The following BACH2 variants were observed in gnomAD, a reference collection of about 807,000 sequenced individuals.
BACH2 encodes the protein transcription regulator protein BACH2.
In BACH2, 5 loss-of-function variants were observed where a neutral mutation model predicts 61.8. The observed-to-expected ratio is 0.08, with a 90% CI of 0.04 to 0.17. The LOEUF is 0.17. Among genes scored for constraint, BACH2 ranks in the 10% least tolerant of loss-of-function variants. The pLI is 1.00. For missense variants in BACH2, 824 were observed against 1,091.1 expected, an observed-to-expected ratio of 0.76 and a Z score of 3.45; for synonymous variants, 446 against 440.1, an observed-to-expected ratio of 1.01 and a Z score of -0.17.
intron 8 of BACH2, among the ~76,000 whole-genome samples, chr6:89,935,660 T>G (rs2128353202): frequency 1.3e-5 from 2 of 152,336 alleles, no homozygotes; most frequent in East Asian, 3.9e-4. Context: ...TAATTTGGTT[T>G]TTTGGTTGAA....
intron 5 of BACH2, among the ~76,000 whole-genome samples, chr6:90,085,519 G>C (rs1781898102): frequency 6.6e-6 from 1 of 152,210 alleles, no homozygotes; most frequent in South Asian, 2.1e-4. Flanking sequence ...AGGTCTTCTA[G>C]ATGTGTAAAT....
chr6:90,036,692 G>A (rs1779280048), intron 5 of BACH2, among the ~76,000 whole-genome samples: 1 of 151,890 alleles, frequency 6.6e-6, no homozygotes, highest in Admixed American at 6.6e-5. Flanking sequence ...ACTTGCTAGA[G>A]TTTAAGATTA....
At chr6:90,032,288 A>T (rs1779030628) in intron 5 of BACH2, among the ~76,000 whole-genome samples, 1 of 149,640 alleles carries the variant, frequency 6.7e-6, no homozygotes, top group African/African-American at 2.5e-5. Flanking sequence ...TTCAGGACAT[A>T]GGCATGGGCA....
chr6:90,026,821 G>T (rs1778659229), intron 5 of BACH2, among the ~76,000 whole-genome samples: 1 of 152,100 alleles, frequency 6.6e-6, no homozygotes, highest in Non-Finnish European at 1.5e-5. Flanking sequence ...TTCATGCATG[G>T]GGGTCTTTTG....
intron 4 of BACH2, among the ~76,000 whole-genome samples, chr6:90,097,380 A>G (rs1782423939): frequency 6.6e-6 from 1 of 152,200 alleles, no homozygotes; most frequent in African/African-American, 2.4e-5. Flanking sequence ...CCAACATGTG[A>G]GTAATGGACC....
intron 4 of BACH2, among the ~76,000 whole-genome samples, chr6:90,127,906 G>A (rs1025504177): frequency 3.9e-5 from 6 of 152,300 alleles, no homozygotes; most frequent in Non-Finnish European, 8.8e-5. Flanking sequence ...TAAAAACTAC[G>A]CAGTGCAAGG....
At chr6:90,292,745 T>G (rs980734177) in intron 1 of BACH2, among the ~76,000 whole-genome samples, 3 of 152,242 alleles carry the variant, frequency 2.0e-5, no homozygotes, top group Non-Finnish European at 4.4e-5. Context: ...GTCTGTTCAG[T>G]AGTGGGAGAC....
At chr6:89,935,062 T>G (rs985519664) in intron 8 of BACH2, among the ~76,000 whole-genome samples, 3 of 152,176 alleles carry the variant, frequency 2.0e-5, no homozygotes, top group Admixed American at 6.5e-5. Context: ...AAATACATTA[T>G]GCGAGTTTGC....
intron 5 of BACH2, among the ~76,000 whole-genome samples, chr6:90,048,413 A>G (rs1779887756): frequency 6.6e-6 from 1 of 152,188 alleles, no homozygotes; most frequent in South Asian, 2.1e-4. Context: ...TCATGCTGCC[A>G]TGGCATGTCA....
intron 6 of BACH2, among the ~76,000 whole-genome samples, chr6:89,995,419 G>A (rs1776791116): frequency 6.6e-6 from 1 of 152,184 alleles, no homozygotes; most frequent in Admixed American, 6.5e-5. Context: ...ATGGCTGTCA[G>A]CGAAGGGTAT....
chr6:90,015,953 G>A (rs1209894122), intron 5 of BACH2, among the ~76,000 whole-genome samples: 1 of 152,122 alleles, frequency 6.6e-6, no homozygotes, highest in Non-Finnish European at 1.5e-5. Context: ...CCTATTAGAT[G>A]CATATATATT....
intron 5 of BACH2, among the ~76,000 whole-genome samples, chr6:90,015,585 C>A (rs1562371326): frequency 6.6e-6 from 1 of 152,068 alleles, no homozygotes; most frequent in Admixed American, 6.5e-5. Flanking sequence ...TTTTAGTTAT[C>A]TTTTTGTTAA....
intron 6 of BACH2, among the ~76,000 whole-genome samples, chr6:89,959,814 C>T (rs141230486): frequency 2.3e-3 from 348 of 152,320 alleles, no homozygotes; most frequent in African/African-American, 8.1e-3. Context: ...CTTGCTGAGG[C>T]TGGGAGTTCA....
intron 1 of BACH2, among the ~76,000 whole-genome samples, chr6:90,282,201 T>C (rs1383404361): frequency 6.6e-6 from 1 of 152,200 alleles, no homozygotes; most frequent in Non-Finnish European, 1.5e-5. Flanking sequence ...CATGTACTGG[T>C]TTGTTACACA....
intron 5 of BACH2, among the ~76,000 whole-genome samples, chr6:90,030,964 T>C (rs1290380177): frequency 8.4e-6 from 1 of 119,664 alleles, no homozygotes; most frequent in African/African-American, 4.1e-5. Flanking sequence ...AAGAAAATAC[T>C]GGCAAAACAA....
intron 5 of BACH2, among the ~76,000 whole-genome samples, chr6:90,048,156 TCTCA>T (rs928546203): frequency 1.3e-5 from 2 of 152,142 alleles, no homozygotes; most frequent in Admixed American, 6.6e-5. Flanking sequence ...AGAGACAGGT[TCTCA>T]CTCTGTTGCA....
At chr6:90,035,946 A>T (rs1046864322) in intron 5 of BACH2, among the ~76,000 whole-genome samples, 1 of 151,808 alleles carries the variant, frequency 6.6e-6, no homozygotes, top group African/African-American at 2.4e-5. Context: ...GATGAGCAGC[A>T]TATGGAGACA....
intron 5 of BACH2, among the ~76,000 whole-genome samples, chr6:90,053,306 G>T (rs549986189): frequency 1.3e-5 from 2 of 151,986 alleles, no homozygotes; most frequent in South Asian, 2.1e-4. Flanking sequence ...TAGAGACAGG[G>T]TTGTACTTTG....
chr6:89,938,438 T>C (rs1773160466), intron 7 of BACH2, 88 bp from the exon 8 acceptor site: 1 of 1,098,106 alleles, frequency 9.1e-7, no homozygotes. Context: ...ACCTCCTTTT[T>C]ATGATGACCA....
Sources: gnomAD v4.1 joint callset for allele counts (sites outside exome capture counted in the v4.1 genomes callset) on GRCh38, gnomAD v4.1.1 for gene constraint, MANE v1.5 for transcripts, NCBI Gene and HGNC (gene_info 2026-07-23, HGNC 2026-07-21) for gene names.